BACE1: variants seen among roughly 807,000 people sequenced by gnomAD.
BACE1 encodes the protein APP beta-secretase.
BACE1 carries 21 observed loss-of-function variants against 54.0 expected under a neutral mutation model. That is an observed-to-expected ratio of 0.39 (90% CI 0.28 to 0.56). The LOEUF is 0.56. Ranked by LOEUF, BACE1 falls within the 20% of genes least tolerant of loss-of-function variation. BACE1 has a pLI of 0.63. For synonymous variants in BACE1, 232 were observed against 260.9 expected (o/e 0.89, Z 1.07); for missense variants, 511 against 661.2 (o/e 0.77, Z 2.49).
intron 1 of BACE1, among the ~76,000 whole-genome samples, chr11:117,297,772 TAAACATGTC>T (rs1023758010): frequency 6.6e-6 from 1 of 152,220 alleles, no homozygotes; most frequent in African/African-American, 2.4e-5. Flanking sequence ...TTCAGACCTT[TAAACATGTC>T]AGACTTTCAG....
chr11:117,287,676 A>G lies in BACE1; in HGVS notation c.*1890T>C, dbSNP rs962453734. The G allele has an allele frequency of 6.6e-6, 1 of 152,564 alleles. No homozygotes were observed. The highest frequency in any genetic ancestry group is 2.4e-5 in the African/African-American group (1 of 41,462). 9.5% of individuals were successfully genotyped at this position (152,564 alleles called of 1,614,324 possible). On this transcript the variant is annotated 3_prime_UTR_variant, in exon 9 of 9. Transcript: ENST00000313005. Reference sequence around the variant, plus strand: ...TTCATGGTAGCAGTTCTGAAAGTTTATTTACACAGTAAGTTCCGAGCTAGA... The same window carrying G: ...TTCATGGTAGCAGTTCTGAAAGTTTGTTTACACAGTAAGTTCCGAGCTAGA...
intron 1 of BACE1, among the ~76,000 whole-genome samples, chr11:117,304,928 C>A (rs964536440): frequency 2.7e-5 from 4 of 150,824 alleles, no homozygotes; most frequent in Non-Finnish European, 5.9e-5. Flanking sequence ...TCATTCCCTG[C>A]AGTTAATTCC....
intron 1 of BACE1, among the ~76,000 whole-genome samples, chr11:117,300,270 C>T (rs1309692355): frequency 6.6e-6 from 1 of 152,064 alleles, no homozygotes; most frequent in Non-Finnish European, 1.5e-5. Flanking sequence ...CTCCACCTTA[C>T]ACACACACAC....
At chr11:117,296,996 A>C in intron 1 of BACE1, 35 bp from the exon 2 acceptor site, 4 of 1,537,794 alleles carry the variant, frequency 2.6e-6, no homozygotes, top group Non-Finnish European at 3.6e-6. Context: ...GACAGTATAG[A>C]CAGGAGGCTT....
intron 1 of BACE1, among the ~76,000 whole-genome samples, chr11:117,309,579 C>A (rs1399945298): frequency 6.6e-6 from 1 of 152,212 alleles, no homozygotes; most frequent in Non-Finnish European, 1.5e-5. Flanking sequence ...CAAAACCCTC[C>A]TTTTCCAGCA....
In BACE1 at chr11:117,315,781, C is replaced by T; in HGVS notation, c.15G>A (p.Leu5=). The change falls in exon 1 of 9, where the codon CTG becomes CTA. Residue 5 remains leucine (L), a synonymous_variant. Transcript: ENST00000313005. This position sits in a 1 kb window ranked among gnomAD's most constrained non-coding sequence, Gnocchi z 5.5. MAQA[L]PWLLLWMGAG... is the part of the protein sequence containing the mutation. Reference sequence around the variant, plus strand: ...CGCCCATCCACAGCAGGAGCCAGGGCAGGGCTTGGGCCATGGTGGGCCCCG... The same window carrying T: ...CGCCCATCCACAGCAGGAGCCAGGGTAGGGCTTGGGCCATGGTGGGCCCCG... The T allele has an allele frequency of 6.9e-7, 1 of 1,443,342 alleles. No homozygotes were observed. Among genetic ancestry groups the T allele is most frequent in the Non-Finnish European group, 9.0e-7 (1 of 1,105,912 alleles). 89.4% of individuals were successfully genotyped at this position (1,443,342 alleles called of 1,614,324 possible).
chr11:117,301,224 G>A (rs2034718154), intron 1 of BACE1, among the ~76,000 whole-genome samples: 2 of 152,132 alleles, frequency 1.3e-5, no homozygotes, highest in African/African-American at 2.4e-5. Flanking sequence ...CTAGATCCTG[G>A]TGATGTCTAA....
chr11:117,305,273 A>ACCTT (rs2034805872), intron 1 of BACE1, among the ~76,000 whole-genome samples: 1 of 152,102 alleles, frequency 6.6e-6, no homozygotes, highest in African/African-American at 2.4e-5. Context: ...GGCTGAGAAA[A>ACCTT]GGGGGCAAGG....
Position 117,290,530 on chromosome 11 carries a change from G to T in BACE1, c.1222C>A (p.Arg408=). 2 of 1,614,182 alleles carry T rather than the reference G, an allele frequency of 1.2e-6. No homozygotes were observed. Among genetic ancestry groups the T allele is most frequent in the African/African-American group, 1.3e-5 (1 of 75,048 alleles). ...IMEGFYVVFD[R]ARKRIGFAVS... ...GCAAAGCCAATTCGTTTTCGGGCCC[G>T]ATCAAAGACAACGTAGAAGCCCTCC... Residue 408 remains arginine (R), a synonymous_variant, in exon 8 of 9, where the codon CGG becomes AGG. Coordinates refer to ENST00000313005, the MANE Select transcript of BACE1 (RefSeq NM_012104.6).
intron 1 of BACE1, among the ~76,000 whole-genome samples, chr11:117,312,090 C>G (rs2034954407): frequency 1.3e-5 from 2 of 152,168 alleles, no homozygotes; most frequent in East Asian, 1.9e-4. Flanking sequence ...CTATTTGGCT[C>G]TATTTTATTT....
rs1471478795 is a variant in BACE1 at position 117,308,814 on chromosome 11, G to T, written c.261+6721C>A. On this transcript the variant is annotated intron_variant, in intron 1 of 8. Transcript: ENST00000313005. ...AAAATACCAAAAAAAATAGCTGGGG[G>T]TGGTGGCGGGCACCTGTAATCCCAG... 2.6e-5 allele frequency among the ~76,000 whole-genome samples: 4 copies of T among 151,902 alleles called. No homozygotes were observed. The East Asian group carries it at 5.8e-4, about 22-fold the overall frequency.
rs1426608583 is a variant in BACE1 at position 117,286,866 on chromosome 11, C to T, written c.*2700G>A. 1 of 152,728 alleles carries T rather than the reference C, an allele frequency of 6.5e-6. No homozygotes were observed. Among genetic ancestry groups the T allele is most frequent in the East Asian group, 1.9e-4 (1 of 5,184 alleles). The allele number at this position is 152,728 out of a possible 1,614,324, so 9.5% of individuals were successfully genotyped here. A position where few individuals can be genotyped will look rare whatever the true frequency, so the allele number is the denominator to read the frequency against. ...AATGTTACTGTCTCCAGGTTAGTAGCTGTCATGAACAGGAAAGGTGGCAAA... is the reference window on the plus strand; with the variant it reads ...AATGTTACTGTCTCCAGGTTAGTAGTTGTCATGAACAGGAAAGGTGGCAAA... On this transcript the variant is annotated 3_prime_UTR_variant, in exon 9 of 9. Coordinates refer to ENST00000313005, the MANE Select transcript of BACE1 (RefSeq NM_012104.6).
chr11:117,296,253 T>TC (rs2034596147), intron 2 of BACE1, among the ~76,000 whole-genome samples: 1 of 150,596 alleles, frequency 6.6e-6, no homozygotes, highest in Non-Finnish European at 1.5e-5. Context: ...CTTTCACCAG[T>TC]CCCCCACTTT....
At position 117,315,831 on chromosome 11, in the gene BACE1, C is replaced by T; in HGVS notation, c.-36G>A. On this transcript the variant is annotated 5_prime_UTR_variant, in exon 1 of 9. The change creates a new upstream start codon in the 5' untranslated region. Transcript: ENST00000313005. This position sits in a 1 kb window ranked among gnomAD's most constrained non-coding sequence, Gnocchi z 5.5. ...GGCCTTCGGGCCCTCTGGGCTCGCA[C>T]TGGCCCACGTCCGTCCCTGGCGCCT... The T allele has an allele frequency of 7.2e-7, 1 of 1,384,924 alleles. No individual in the cohort carries two copies. The highest frequency in any genetic ancestry group is 9.3e-7 in the Non-Finnish European group (1 of 1,078,700). The allele number at this position is 1,384,924 out of a possible 1,614,324, so 85.8% of individuals were successfully genotyped here.
At position 117,289,243 on chromosome 11, in the gene BACE1, G is replaced by A. The variant is rs758400657; in HGVS notation, c.*323C>T. The stretch of plus-strand genomic sequence containing the variant: ...AACTAAGAAAAGAAGAATACTTTGG[G>A]TTGGAGAATTTAAAGGAATGGTGGA... On this transcript the variant is annotated 3_prime_UTR_variant, in exon 9 of 9. Coordinates refer to ENST00000313005, the MANE Select transcript of BACE1 (RefSeq NM_012104.6). The A allele has an allele frequency of 3.4e-5, 10 of 297,004 alleles. No individual in the cohort carries two copies. Among genetic ancestry groups the A allele is most frequent in the Non-Finnish European group, 6.4e-5 (10 of 155,564 alleles). 18.4% of individuals were successfully genotyped at this position (297,004 alleles called of 1,614,324 possible).
At position 117,293,485 on chromosome 11, in the gene BACE1, TTTATA is replaced by T. The variant is rs1295057278; in HGVS notation, c.706-302_706-298del. On this transcript the variant is annotated intron_variant, in intron 4 of 8. Transcript: ENST00000313005. The surrounding 1 kb of genome is among the most constrained non-coding windows in gnomAD (Gnocchi z 4.1). ...TAAATGTTGAATGAATGGTTATTTGTTTATATTATAAGTTTTATTTTCTCTGCTTA... is the reference window on the plus strand; with the variant it reads ...TAAATGTTGAATGAATGGTTATTTGTTTATAAGTTTTATTTTCTCTGCTTA... The T allele has an allele frequency of 5.1e-5, 15 of 295,026 alleles. No individual in the cohort carries two copies. The highest frequency in any genetic ancestry group is 9.9e-4 in the Middle Eastern group (1 of 1,012). The allele number at this position is 295,026 out of a possible 1,614,324, so 18.3% of individuals were successfully genotyped here. A position where few individuals can be genotyped will look rare whatever the true frequency, so the allele number is the denominator to read the frequency against.
rs1465928966 is a variant in BACE1, at chr11:117,295,236, G to C, written c.462C>G (p.Val154=). The C allele has an allele frequency of 6.2e-7, 1 of 1,614,096 alleles. No individual in the cohort carries two copies. The highest frequency in any genetic ancestry group is 8.5e-7 in the Non-Finnish European group (1 of 1,180,050). The change falls in exon 3 of 9, where the codon GTC becomes GTG. Residue 154 remains valine, a synonymous_variant. Transcript: ENST00000313005. ...TGGCAGCAATGTTGGCACGCACAGT[G>C]ACGTTGGGGCCATGGGGGATGCTTA... is the stretch of plus-strand genomic sequence containing the variant. ...DLVSIPHGPN[V]TVRANIAAIT...
chr11:117,293,531 C>G lies in BACE1; in HGVS notation c.705+340G>C. 3.6e-6 allele frequency: 1 copy of G among 274,768 alleles called. No individual in the cohort carries two copies. The highest frequency in any genetic ancestry group is 1.1e-3 in the Middle Eastern group (1 of 886). 17.0% of individuals were successfully genotyped at this position (274,768 alleles called of 1,614,324 possible). ...TCTCTGCTTATTGGAGAACCATTCACCATTGTTCTAATTAATTAATAAATA... is the reference window on the plus strand; with the variant it reads ...TCTCTGCTTATTGGAGAACCATTCAGCATTGTTCTAATTAATTAATAAATA... On this transcript the variant is annotated intron_variant, in intron 4 of 8. Coordinates refer to ENST00000313005, the MANE Select transcript of BACE1 (RefSeq NM_012104.6). This position sits in a 1 kb window ranked among gnomAD's most constrained non-coding sequence, Gnocchi z 4.1.
At chr11:117,295,726 ACTCT>A in intron 2 of BACE1, 1 of 1,460,312 alleles carries the variant, frequency 6.8e-7, no homozygotes, top group African/African-American at 1.4e-5. Context: ...GGAACCATTG[ACTCT>A]CTTACTGCCT....
Sources: allele counts gnomAD v4.1 joint callset (sites outside exome capture counted in the v4.1 genomes callset), GRCh38; gene constraint gnomAD v4.1.1; non-coding constraint Gnocchi (gnomAD v3.1); transcripts MANE v1.5; gene names NCBI Gene and HGNC (gene_info 2026-07-23, HGNC 2026-07-21).